The following SAMD3 variants were observed in gnomAD, a reference collection of about 807,000 sequenced individuals.
SAMD3 encodes the protein sterile alpha motif domain containing 3, also known as sterile alpha motif domain-containing protein 3.
Under a neutral mutation model 58.5 loss-of-function variants are expected in SAMD3, and 63 were observed. That is an observed-to-expected ratio of 1.08 (90% CI 0.88 to 1.33). The LOEUF is 1.33. Among genes scored for constraint, SAMD3 ranks in the 40% most tolerant of loss-of-function variants. The probability of loss-of-function intolerance (pLI) is 0.00; values close to 1 mark genes in which losing one functional copy is unlikely to be tolerated. For synonymous variants in SAMD3, 220 were observed against 210.3 expected, an observed-to-expected ratio of 1.05 and a Z score of -0.40; for missense variants, 604 against 608.4, an observed-to-expected ratio of 0.99 and a Z score of 0.08.
intron 1 of SAMD3, among the ~76,000 whole-genome samples, chr6:130,332,777 C>G (rs923251727): frequency 6.6e-6 from 1 of 151,968 alleles, no homozygotes; most frequent in African/African-American, 2.4e-5. Context: ...CTGAGGGAAC[C>G]CTAGGTCCCG....
chr6:130,300,001 T>C (rs1457238034), intron 2 of SAMD3, among the ~76,000 whole-genome samples: 1 of 152,148 alleles, frequency 6.6e-6, no homozygotes. Context: ...CTGGACCAGA[T>C]GCATTTAGAG....
Position 130,155,035 on chromosome 6 carries a change from A to T in SAMD3, c.823-10T>A. 6.2e-7 allele frequency: 1 copy of T among 1,607,308 alleles called. No individual in the cohort carries two copies. On this transcript the variant is annotated splice_polypyrimidine_tract_variant and intron_variant, in intron 8 of 11. Coordinates refer to ENST00000439090, the MANE Select transcript of SAMD3 (RefSeq NM_001017373.4). ...AACAAACAGCTTCTTCCTGCAAAAC[A>T]TTTTCAACATATCAATGGATTCCAT...
At position 130,252,503 on chromosome 6, in the gene SAMD3, C is replaced by T. The variant is rs558539185; in HGVS notation, c.-187-29690G>A. Among the ~76,000 whole-genome samples, 9 of 152,296 alleles carry T rather than the reference C, an allele frequency of 5.9e-5. No individual in the cohort carries two copies. The South Asian group carries it at 1.9e-3, about 32-fold the overall frequency. ...GAGTAAACCAAGTAGCTGCAAATAG[C>T]TCACTGGGGGGTGAAAACAAGGCAA... On this transcript the variant is annotated intron_variant, in intron 2 of 13. Coordinates refer to the SAMD3 transcript ENST00000368134.
chr6:130,332,033 G>T (rs1390308381), intron 1 of SAMD3, among the ~76,000 whole-genome samples: 1 of 152,182 alleles, frequency 6.6e-6, no homozygotes, highest in African/African-American at 2.4e-5. Context: ...TGGAATCAAT[G>T]GATTAGTTAG....
rs747758638 is a variant in SAMD3 at position 130,184,551 on chromosome 6, A to G, written c.456T>C (p.Phe152=). ...QWTKSYVLPE[F]PYDVKCMLAE... is the part of the protein sequence containing the mutation. The stretch of plus-strand genomic sequence containing the variant: ...CTAACATGCATTTGACATCATAGGG[A>G]AACTCTGGTAAAACATAGGACTTCG... The change falls in exon 6 of 12, where the codon TTT becomes TTC. Residue 152 remains phenylalanine, a synonymous_variant. Transcript: ENST00000439090. 6 of 1,614,040 alleles carry G rather than the reference A, an allele frequency of 3.7e-6. No individual in the cohort carries two copies. The South Asian group carries it at 5.5e-5, about 15-fold the overall frequency.
chr6:130,182,149 T>A (rs1792408563), intron 7 of SAMD3, among the ~76,000 whole-genome samples: 1 of 152,166 alleles, frequency 6.6e-6, no homozygotes. Flanking sequence ...ATCTCCAGTG[T>A]AGAAGAAATT....
intron 8 of SAMD3, chr6:130,161,419 T>G (rs1326277089): frequency 6.6e-6 from 1 of 152,216 alleles, no homozygotes; most frequent in Non-Finnish European, 1.5e-5. Flanking sequence ...ATTACTGTAT[T>G]TATAATGTAC....
intron 2 of SAMD3, among the ~76,000 whole-genome samples, chr6:130,308,461 T>C (rs569584659): frequency 6.6e-6 from 1 of 151,486 alleles, no homozygotes; most frequent in East Asian, 1.9e-4. Flanking sequence ...GTGTAGGAAA[T>C]GTCCTTGGGG....
intron 7 of SAMD3, among the ~76,000 whole-genome samples, chr6:130,180,169 G>T (rs867542573): frequency 1.3e-5 from 2 of 151,592 alleles, no homozygotes; most frequent in Admixed American, 1.3e-4. Flanking sequence ...CATCCAGGCC[G>T]GAGTGCAGTA....
At chr6:130,194,188 A>G (rs1793855909) in intron 5 of SAMD3, among the ~76,000 whole-genome samples, 1 of 152,180 alleles carries the variant, frequency 6.6e-6, no homozygotes, top group Admixed American at 6.5e-5. Flanking sequence ...AGCTAAAGGT[A>G]TAGTCAAGGT....
At chr6:130,196,782 C>T (rs1249394097) in intron 5 of SAMD3, among the ~76,000 whole-genome samples, 1 of 152,202 alleles carries the variant, frequency 6.6e-6, no homozygotes, top group Non-Finnish European at 1.5e-5. Context: ...AGTCAGATAA[C>T]TAAAATACCT....
intron 2 of SAMD3, among the ~76,000 whole-genome samples, chr6:130,236,803 T>C (rs1773167839): frequency 6.6e-6 from 1 of 152,256 alleles, no homozygotes; most frequent in South Asian, 2.1e-4. Flanking sequence ...TCAGTAATTT[T>C]AGCCTGTTAA....
chr6:130,262,744 A>T (rs561479442), intron 2 of SAMD3, among the ~76,000 whole-genome samples: 173 of 152,194 alleles, frequency 1.1e-3, no homozygotes, highest in Non-Finnish European at 2.2e-3. Flanking sequence ...ATAAGGAGCC[A>T]TAAGAATGTA....
At position 130,308,441 on chromosome 6, in the gene SAMD3, T is replaced by TTG. The variant is rs1177721763; in HGVS notation, c.-188+4535_-188+4536dup. 1.3e-3 allele frequency among the ~76,000 whole-genome samples: 196 copies of TTG among 150,122 alleles called. 4 individuals carry two copies. Among genetic ancestry groups the TTG allele is most frequent in the African/African-American group, 4.5e-3 (185 of 40,800 alleles). ...TTCTATTCTATTCTATTCTATTCTT[T>TTG]TGTGTGTGTGTGTAGGAAATGTCCT... On this transcript the variant is annotated intron_variant, in intron 2 of 13. Transcript: ENST00000368134.
intron 2 of SAMD3, among the ~76,000 whole-genome samples, chr6:130,297,459 A>T (rs181109933): frequency 4.2e-4 from 64 of 152,334 alleles, no homozygotes; most frequent in African/African-American, 1.4e-3. Flanking sequence ...TCAGCACAAG[A>T]ACTCTGAAAG....
intron 8 of SAMD3, among the ~76,000 whole-genome samples, chr6:130,163,319 A>G (rs1368393201): frequency 6.6e-6 from 1 of 152,228 alleles, no homozygotes; most frequent in Non-Finnish European, 1.5e-5. Context: ...AGCACATATT[A>G]TATTTCTATT....
intron 2 of SAMD3, among the ~76,000 whole-genome samples, chr6:130,294,227 G>A (rs939962713): frequency 1.4e-4 from 21 of 152,144 alleles, no homozygotes; most frequent in Admixed American, 1.4e-3. Flanking sequence ...ATTTGGATGA[G>A]CTCAAGGATG....
At chr6:130,331,583 G>C (rs982477958) in intron 1 of SAMD3, among the ~76,000 whole-genome samples, 1 of 152,020 alleles carries the variant, frequency 6.6e-6, no homozygotes, top group Non-Finnish European at 1.5e-5. Context: ...ATTAGGTGTG[G>C]TGGCATGCAC....
chr6:130,230,720 T>C (rs1177780076), intron 2 of SAMD3, among the ~76,000 whole-genome samples: 2 of 152,220 alleles, frequency 1.3e-5, no homozygotes. Flanking sequence ...TCCTTGGACC[T>C]TTCCTGTTTA....
Sources: allele counts gnomAD v4.1 joint callset (sites outside exome capture counted in the v4.1 genomes callset), GRCh38; gene constraint gnomAD v4.1.1; transcripts MANE v1.5; gene names NCBI Gene and HGNC (gene_info 2026-07-23, HGNC 2026-07-21).